The following ERC2 variants were observed in gnomAD, a reference collection of about 807,000 sequenced individuals.
The protein encoded by ERC2 is ELKS/RAB6-interacting/CAST family member 2.
Under a neutral mutation model 114.8 loss-of-function variants are expected in ERC2, and 42 were observed. That is an observed-to-expected ratio of 0.37 (90% CI 0.29 to 0.47). The LOEUF (loss-of-function observed/expected upper bound fraction) is 0.47, where lower values mean the gene tolerates loss of function less well. Ranked by LOEUF, ERC2 falls within the 20% of genes least tolerant of loss-of-function variation. The pLI, the probability that ERC2 is intolerant of heterozygous loss-of-function variation, is 0.99. For synonymous variants in ERC2, 454 were observed against 425.5 expected (o/e 1.07, Z -0.82); for missense variants, 939 against 1,150.7 (o/e 0.82, Z 2.66).
At chr3:55,713,337 A>C (rs2063893625) in intron 15 of ERC2, among the ~76,000 whole-genome samples, 1 of 151,906 alleles carries the variant, frequency 6.6e-6, no homozygotes, top group Non-Finnish European at 1.5e-5. Context: ...CAGCCTCCCA[A>C]GTAGCTAGGA....
At chr3:55,605,155 G>A (rs1266939966) in intron 17 of ERC2, among the ~76,000 whole-genome samples, 12 of 151,380 alleles carry the variant, frequency 7.9e-5, no homozygotes, top group African/African-American at 4.9e-5. Context: ...TCACTCTGTC[G>A]CCCATGCTGG....
rs2061960218 is a variant in ERC2, at chr3:56,435,157, G to GA, written c.-140-11dup. 1.6e-6 allele frequency: 1 copy of GA among 606,160 alleles called. No homozygotes were observed. The highest frequency in any genetic ancestry group is 2.8e-6 in the Non-Finnish European group (1 of 352,818). The allele number at this position is 606,160 out of a possible 1,614,324, so 37.5% of individuals were successfully genotyped here. On this transcript the variant is annotated splice_polypyrimidine_tract_variant and intron_variant, in intron 1 of 17. Coordinates refer to ENST00000288221, the MANE Select transcript of ERC2 (RefSeq NM_015576.3). ...AACTCCACTCAGAGATCTACAAAGT[G>GA]AAAAAAAGAATAATTAAAAACAAAT... is the stretch of plus-strand genomic sequence containing the variant.
chr3:55,639,778 G>A (rs983918290), intron 17 of ERC2, among the ~76,000 whole-genome samples: 13 of 152,166 alleles, frequency 8.5e-5, no homozygotes, highest in Middle Eastern at 3.2e-3. Flanking sequence ...GTATGTGTGC[G>A]TGTGGGCACA....
At chr3:56,341,403 T>C (rs1003068184) in intron 2 of ERC2, among the ~76,000 whole-genome samples, 6 of 152,164 alleles carry the variant, frequency 3.9e-5, no homozygotes, top group African/African-American at 1.4e-4. Flanking sequence ...GCCTTCCATT[T>C]TGAAGAAGCA....
intron 3 of ERC2, among the ~76,000 whole-genome samples, chr3:56,294,975 G>A (rs1185289540): frequency 2.6e-5 from 4 of 152,174 alleles, no homozygotes; most frequent in African/African-American, 9.7e-5. Flanking sequence ...CTTTTCCTAT[G>A]TGCTAGGCAA....
At chr3:56,095,947 T>A (rs1011142746) in intron 6 of ERC2, among the ~76,000 whole-genome samples, 2 of 152,152 alleles carry the variant, frequency 1.3e-5, no homozygotes, top group African/African-American at 4.8e-5. Context: ...TCTTGACTCC[T>A]CAAGGTCAAA....
intron 3 of ERC2, among the ~76,000 whole-genome samples, chr3:56,285,608 A>G (rs546394190): frequency 6.6e-6 from 1 of 152,300 alleles, no homozygotes. Context: ...TGGGGGCAGG[A>G]AGAAGGGCAG....
chr3:55,770,495 G>A lies in ERC2; in HGVS notation c.2565-35577C>T, dbSNP rs550070586. ...AATCAACTGGAACAGAGGAGTGAGT[G>A]CCCCCTTCCCCCTTTGATGGGCAGA... is the stretch of plus-strand genomic sequence containing the variant. On this transcript the variant is annotated intron_variant, in intron 14 of 17. Coordinates refer to ENST00000288221, the MANE Select transcript of ERC2 (RefSeq NM_015576.3). Among the ~76,000 whole-genome samples the A allele has an allele frequency of 1.4e-4, 21 of 152,286 alleles. No individual in the cohort carries two copies. In the South Asian group the frequency reaches 4.4e-3, roughly 32 times the overall value.
At chr3:55,639,276 C>T (rs1276618049) in intron 17 of ERC2, among the ~76,000 whole-genome samples, 1 of 152,116 alleles carries the variant, frequency 6.6e-6, no homozygotes, top group African/African-American at 2.4e-5. Context: ...GAAAGTAGTG[C>T]TAGCATGTCC....
chr3:55,686,940 G>C (rs569045877), intron 16 of ERC2, among the ~76,000 whole-genome samples: 2 of 152,178 alleles, frequency 1.3e-5, no homozygotes, highest in African/African-American at 2.4e-5. Context: ...GTGGACCGAA[G>C]CCCAGAGAGC....
chr3:56,190,637 C>A (rs1412969788), intron 3 of ERC2, among the ~76,000 whole-genome samples: 1 of 152,040 alleles, frequency 6.6e-6, no homozygotes, highest in African/African-American at 2.4e-5. Flanking sequence ...TGAGGTCTTG[C>A]TTAGTTGACC....
intron 12 of ERC2, among the ~76,000 whole-genome samples, chr3:55,971,103 T>A (rs1291480889): frequency 2.0e-5 from 3 of 152,026 alleles, no homozygotes; most frequent in Non-Finnish European, 2.9e-5. Context: ...ACATAATATA[T>A]AATCCCAATT....
chr3:55,879,079 CTTT>C (rs963296731), intron 14 of ERC2, among the ~76,000 whole-genome samples: 1 of 83,190 alleles, frequency 1.2e-5, no homozygotes, highest in African/African-American at 4.7e-5. Context: ...TTTTTCTTTT[CTTT>C]TTTTTTCTTT....
chr3:56,191,208 G>A (rs1223398560), intron 3 of ERC2, among the ~76,000 whole-genome samples: 3 of 152,154 alleles, frequency 2.0e-5, no homozygotes, highest in Admixed American at 6.5e-5. Flanking sequence ...TAGGCAGGCA[G>A]TGGGAGGGAA....
intron 12 of ERC2, among the ~76,000 whole-genome samples, chr3:55,967,259 G>C (rs2068812336): frequency 6.6e-6 from 1 of 152,170 alleles, no homozygotes; most frequent in South Asian, 2.1e-4. Context: ...ATATTGTATA[G>C]ATGGATTTTT....
chr3:56,415,899 C>A (rs2061132475), intron 2 of ERC2, among the ~76,000 whole-genome samples: 1 of 152,178 alleles, frequency 6.6e-6, no homozygotes. Context: ...TCTGCCTCAC[C>A]CTGGCCCCAT....
chr3:56,306,934 G>A (rs905640797), intron 2 of ERC2, among the ~76,000 whole-genome samples: 3 of 152,138 alleles, frequency 2.0e-5, no homozygotes, highest in Admixed American at 1.3e-4. Flanking sequence ...AACTTCAGTG[G>A]CAAGCATGAG....
chr3:56,307,405 G>C (rs961177038), intron 2 of ERC2, among the ~76,000 whole-genome samples: 10 of 152,148 alleles, frequency 6.6e-5, no homozygotes, highest in Admixed American at 5.9e-4. Flanking sequence ...AGCAATATTG[G>C]CTGAGAGTCT....
At chr3:56,065,407 G>A (rs2076424754) in intron 7 of ERC2, among the ~76,000 whole-genome samples, 1 of 151,666 alleles carries the variant, frequency 6.6e-6, no homozygotes, top group African/African-American at 2.4e-5. Context: ...ATTTTGTGTA[G>A]AGACAGGTCT....
Sources: allele counts gnomAD v4.1 joint callset (sites outside exome capture counted in the v4.1 genomes callset), GRCh38; gene constraint gnomAD v4.1.1; transcripts MANE v1.5; gene names NCBI Gene and HGNC (gene_info 2026-07-23, HGNC 2026-07-21).